RANBP2: variants seen among roughly 807,000 people sequenced by gnomAD.
The protein encoded by RANBP2 is RAN binding protein 2, also known as E3 SUMO-protein ligase RanBP2.
RANBP2 carries 57 observed loss-of-function variants against 303.6 expected under a neutral mutation model. That is an observed-to-expected ratio of 0.19 (90% CI 0.15 to 0.23). The LOEUF (loss-of-function observed/expected upper bound fraction) is 0.23, where lower values mean the gene tolerates loss of function less well. Ranked by LOEUF, RANBP2 falls within the 10% of genes least tolerant of loss-of-function variation. The probability of loss-of-function intolerance (pLI) is 1.00; values close to 1 mark genes in which losing one functional copy is unlikely to be tolerated. For synonymous variants in RANBP2, 1,167 were observed against 1,301.5 expected, an observed-to-expected ratio of 0.90 and a Z score of 2.23; for missense variants, 3,138 against 3,780.8, an observed-to-expected ratio of 0.83 and a Z score of 4.46.
chr2:108,785,849 G>A (rs1441165018), downstream of RANBP2: 2 of 152,190 alleles, frequency 1.3e-5, no homozygotes, highest in African/African-American at 2.4e-5. Flanking sequence ...TATGGCCTAA[G>A]TAATTTTCAG....
At chr2:108,750,492 A>G (rs552101405) in intron 9 of RANBP2, among the ~76,000 whole-genome samples, 169 of 152,368 alleles carry the variant, frequency 1.1e-3, no homozygotes, top group Non-Finnish European at 2.3e-3. Context: ...GAACATCTTT[A>G]AGTCTTGCAA....
the RANBP2 span, among the ~76,000 whole-genome samples, chr2:109,761,308 G>C: frequency 6.6e-6 from 1 of 150,656 alleles, no homozygotes; most frequent in Non-Finnish European, 1.5e-5. Flanking sequence ...TGAACATCCA[G>C]GGCGGGAAAC....
chr2:108,797,282 T>C, the RANBP2 span, among the ~76,000 whole-genome samples: 27 of 151,332 alleles, frequency 1.8e-4, no homozygotes, highest in Middle Eastern at 3.4e-3. Context: ...CCAGAGAGAG[T>C]TGGTGGAAAA....
the RANBP2 span, among the ~76,000 whole-genome samples, chr2:109,348,828 G>A: frequency 6.6e-6 from 1 of 151,790 alleles, no homozygotes; most frequent in Non-Finnish European, 1.5e-5. Flanking sequence ...GCTCCCCGCC[G>A]CCCCCAGATG....
chr2:108,876,175 C>T, the RANBP2 span: 1 of 1,613,060 alleles, frequency 6.2e-7, no homozygotes, highest in South Asian at 1.1e-5. Flanking sequence ...ATGCATTTCT[C>T]TGTATTAATC....
At chr2:109,455,539 A>G in the RANBP2 span, among the ~76,000 whole-genome samples, 1 of 152,152 alleles carries the variant, frequency 6.6e-6, no homozygotes, top group Non-Finnish European at 1.5e-5. Flanking sequence ...TATGGCATAT[A>G]CACTCATGAT....
At chr2:109,016,777 T>C in the RANBP2 span, among the ~76,000 whole-genome samples, 5 of 152,210 alleles carry the variant, frequency 3.3e-5, no homozygotes, top group Admixed American at 3.3e-4. Context: ...TAAATGATTA[T>C]GTGAAGCAGT....
chr2:108,724,886 G>T (rs914977956), intron 1 of RANBP2, among the ~76,000 whole-genome samples: 1 of 146,220 alleles, frequency 6.8e-6, no homozygotes, highest in African/African-American at 2.8e-5. Flanking sequence ...CAGCTGATCA[G>T]ATGGGTTTTT....
chr2:108,759,451 C>T (rs188926123), intron 18 of RANBP2, among the ~76,000 whole-genome samples: 14 of 152,176 alleles, frequency 9.2e-5, no homozygotes, highest in East Asian at 3.9e-4. Flanking sequence ...GTTCCTTTTA[C>T]GTACGACAGA....
the RANBP2 span, among the ~76,000 whole-genome samples, chr2:109,113,241 C>T: frequency 3.3e-5 from 5 of 152,240 alleles, no homozygotes; most frequent in East Asian, 1.9e-4. Context: ...GCCATTTTCA[C>T]GATATTGATT....
chr2:109,129,997 G>C, the RANBP2 span: 4 of 1,294,554 alleles, frequency 3.1e-6, no homozygotes, highest in Admixed American at 4.2e-5. Context: ...CGCGGGCGGC[G>C]GGGGCGGCGC....
At chr2:108,878,037 C>T in the RANBP2 span, among the ~76,000 whole-genome samples, 2 of 152,024 alleles carry the variant, frequency 1.3e-5, no homozygotes, top group Non-Finnish European at 2.9e-5. Context: ...GACATTCAGG[C>T]GTTGAGAAAT....
At chr2:108,918,156 C>T in the RANBP2 span, among the ~76,000 whole-genome samples, 1 of 152,218 alleles carries the variant, frequency 6.6e-6, no homozygotes, top group African/African-American at 2.4e-5. Context: ...TCCACTGTCA[C>T]CAGCTGGGGG....
chr2:109,203,844 G>A, the RANBP2 span, among the ~76,000 whole-genome samples: 2 of 152,134 alleles, frequency 1.3e-5, no homozygotes, highest in African/African-American at 4.8e-5. Flanking sequence ...TTGTGTGGGT[G>A]CCTCGCTACC....
the RANBP2 span, chr2:109,593,263 C>A: frequency 2.1e-6 from 1 of 478,304 alleles, no homozygotes; most frequent in Non-Finnish European, 3.7e-6. Context: ...ATTATTGAAT[C>A]GTGTTTGAAA....
the RANBP2 span, among the ~76,000 whole-genome samples, chr2:109,573,661 T>C: frequency 6.6e-6 from 1 of 152,194 alleles, no homozygotes. Flanking sequence ...CTTATACAGT[T>C]AGTAACCAGG....
At chr2:109,508,822 C>T in the RANBP2 span, among the ~76,000 whole-genome samples, 4 of 152,270 alleles carry the variant, frequency 2.6e-5, no homozygotes, top group Admixed American at 2.6e-4. Flanking sequence ...CAGCTGCCCA[C>T]CCCAGCCAGA....
At chr2:108,969,718 A>G in the RANBP2 span, among the ~76,000 whole-genome samples, 12 of 152,366 alleles carry the variant, frequency 7.9e-5, no homozygotes, top group East Asian at 1.9e-3. Flanking sequence ...AAGAAATATA[A>G]AAGAAGTGAA....
intron 1 of RANBP2, among the ~76,000 whole-genome samples, chr2:108,728,419 G>A (rs1694902837): frequency 6.6e-6 from 1 of 152,096 alleles, no homozygotes; most frequent in Admixed American, 6.6e-5. Flanking sequence ...TTGGCCTCCT[G>A]AGTAGCTAGG....
Sources: allele counts gnomAD v4.1 joint callset (sites outside exome capture counted in the v4.1 genomes callset), GRCh38; gene constraint gnomAD v4.1.1; transcripts MANE v1.5; gene names NCBI Gene and HGNC (gene_info 2026-07-23, HGNC 2026-07-21).